Variants in SANBR observed in about 807,000 individuals in gnomAD.
The protein encoded by SANBR is SANT and BTB domain regulator of class switch recombination.
In SANBR, 77 loss-of-function variants were observed where a neutral mutation model predicts 101.8. That is an observed-to-expected ratio of 0.76 (90% confidence interval 0.63 to 0.91). The LOEUF (loss-of-function observed/expected upper bound fraction) is 0.91. Ranked by LOEUF, SANBR falls within the 40% of genes least tolerant of loss-of-function variation. The pLI is 0.00. For synonymous variants in SANBR, 279 were observed against 274.7 expected (o/e 1.02, Z -0.15); for missense variants, 875 against 853.0 (o/e 1.03, Z -0.32).
intron 20 of SANBR, chr2:61,133,995 G>A: frequency 1.6e-6 from 2 of 1,265,134 alleles, no homozygotes; most frequent in Non-Finnish European, 2.2e-6. Context: ...GCATCAAATT[G>A]CATTTGGGTA....
chr2:61,089,950 T>G (rs988435554), intron 10 of SANBR, among the ~76,000 whole-genome samples: 1 of 152,114 alleles, frequency 6.6e-6, no homozygotes, highest in Admixed American at 6.6e-5. Flanking sequence ...GAGGATTACT[T>G]GAGACCAGGA....
chr2:61,114,376 A>G (rs1325647687), intron 16 of SANBR, among the ~76,000 whole-genome samples: 3 of 152,190 alleles, frequency 2.0e-5, no homozygotes, highest in Non-Finnish European at 2.9e-5. Flanking sequence ...TCATGCACCC[A>G]CAGATTGTCA....
chr2:61,111,371 C>T (rs767625167), intron 16 of SANBR, among the ~76,000 whole-genome samples: 13 of 152,230 alleles, frequency 8.5e-5, no homozygotes, highest in Non-Finnish European at 1.2e-4. Flanking sequence ...CCAGCCTGTG[C>T]GACAGAGCGA....
intron 20 of SANBR, among the ~76,000 whole-genome samples, chr2:61,133,686 C>T (rs1034217472): frequency 3.3e-5 from 5 of 152,116 alleles, no homozygotes; most frequent in Non-Finnish European, 7.4e-5. Context: ...AAGACAATCA[C>T]AAAAAGTCAC....
chr2:61,080,030 C>A (rs1682017562), intron 6 of SANBR, among the ~76,000 whole-genome samples: 1 of 151,790 alleles, frequency 6.6e-6, no homozygotes, highest in Non-Finnish European at 1.5e-5. Flanking sequence ...AACCCCGTCT[C>A]TACTAAAAGT....
At chr2:61,129,444 CAA>C (rs34073185) in intron 20 of SANBR, among the ~76,000 whole-genome samples, 1 of 143,912 alleles carries the variant, frequency 6.9e-6, no homozygotes. Context: ...AACTCCATCT[CAA>C]AAAAAAAAAC....
rs957681309 is a variant in SANBR at position 61,120,027 on chromosome 2, T to C, written c.2029-1158T>C. ...AGCAACTGGAACTCTCATATATAGC[T>C]AGTAGAAATGCAAAAAGGAATGGTC... On this transcript the variant is annotated intron_variant, in intron 20 of 21. Coordinates refer to ENST00000402291, the MANE Select transcript of SANBR (RefSeq NM_001129993.3). 3.3e-5 allele frequency among the ~76,000 whole-genome samples: 5 copies of C among 152,164 alleles called. No individual in the cohort carries two copies. In the East Asian group the frequency reaches 5.8e-4, roughly 18 times the overall value.
In SANBR at chr2:61,137,899, A is replaced by G. The variant is rs147129219; in HGVS notation, c.*480A>G. 5.3e-4 allele frequency: 81 copies of G among 152,340 alleles called. 1 individual carries two copies. Among genetic ancestry groups the G allele is most frequent in the African/African-American group, 1.9e-3 (78 of 41,582 alleles). 9.4% of individuals were successfully genotyped at this position (152,340 alleles called of 1,614,324 possible). A position where few individuals can be genotyped will look rare whatever the true frequency, so the allele number is the denominator to read the frequency against. ...TTACTTTATATAGTGACCTCATACT[A>G]TACATATCCTCATGCAATTTTTTAG... On this transcript the variant is annotated 3_prime_UTR_variant, in exon 22 of 22. Coordinates refer to the SANBR transcript ENST00000295031.
At chr2:61,094,804 C>T (rs568600970) in intron 11 of SANBR, among the ~76,000 whole-genome samples, 87 of 152,126 alleles carry the variant, frequency 5.7e-4, no homozygotes, top group African/African-American at 2.0e-3. Flanking sequence ...CCACATCACC[C>T]GCCTAATTTT....
At chr2:61,119,129 A>G (rs556047507) in intron 20 of SANBR, among the ~76,000 whole-genome samples, 2 of 152,340 alleles carry the variant, frequency 1.3e-5, no homozygotes, top group Admixed American at 6.5e-5. Context: ...ATAAGATGTC[A>G]TCTTGCTGAA....
chr2:61,135,062 C>CAT (rs1684804393), intron 21 of SANBR, among the ~76,000 whole-genome samples: 1 of 151,846 alleles, frequency 6.6e-6, no homozygotes, highest in Non-Finnish European at 1.5e-5. Flanking sequence ...TGGTGGCACG[C>CAT]GCCTGTAATC....
chr2:61,090,235 G>A (rs10174645), intron 10 of SANBR, among the ~76,000 whole-genome samples: 3,095 of 152,246 alleles, frequency 0.02, 115 homozygotes, highest in African/African-American at 0.07. Flanking sequence ...TTACCTTTCA[G>A]TGATAGTATT....
intron 11 of SANBR, among the ~76,000 whole-genome samples, chr2:61,092,977 C>A (rs997564959): frequency 1.3e-5 from 2 of 151,880 alleles, no homozygotes; most frequent in African/African-American, 2.4e-5. Context: ...AGTAAAAATA[C>A]GAAAAATTAC....
intron 5 of SANBR, among the ~76,000 whole-genome samples, chr2:61,074,344 CCA>C (rs1681644985): frequency 6.6e-6 from 1 of 152,098 alleles, no homozygotes; most frequent in Non-Finnish European, 1.5e-5. Context: ...GTATATTTAA[CCA>C]CAGTTTTAAA....
chr2:61,136,090 A>C (rs918078927), intron 21 of SANBR, among the ~76,000 whole-genome samples: 20 of 152,164 alleles, frequency 1.3e-4, no homozygotes, highest in Admixed American at 1.3e-3. Flanking sequence ...GGATCACCTG[A>C]GGTCAGGAGT....
At chr2:61,098,188 C>T (rs975710764) in intron 12 of SANBR, among the ~76,000 whole-genome samples, 3 of 151,248 alleles carry the variant, frequency 2.0e-5, no homozygotes, top group Non-Finnish European at 4.4e-5. Flanking sequence ...ACTCCAGCCT[C>T]TGCCTCCCAG....
Position 61,065,897 on chromosome 2 carries a change from C to CGGGGGCGGGGTGTGAGGCGCT in SANBR, c.-275_-255dup, listed in dbSNP as rs1681118137. 2 of 152,118 alleles carry CGGGGGCGGGGTGTGAGGCGCT rather than the reference C, an allele frequency of 1.3e-5. No homozygotes were observed. The highest frequency in any genetic ancestry group is 1.9e-4 in the East Asian group (1 of 5,198). 9.4% of individuals were successfully genotyped at this position (152,118 alleles called of 1,614,324 possible). ...GTCTCCGCAGCCGCCTGCAAGCGGG[C>CGGGGGCGGGGTGTGAGGCGCT]GGGGGCGGGGTGTGAGGCGCTGCGG... On this transcript the variant is annotated 5_prime_UTR_variant, in exon 1 of 22. Coordinates refer to ENST00000402291, the MANE Select transcript of SANBR (RefSeq NM_001129993.3).
intron 20 of SANBR, among the ~76,000 whole-genome samples, chr2:61,129,646 G>A (rs762990773): frequency 1.2e-4 from 19 of 152,062 alleles, no homozygotes; most frequent in Non-Finnish European, 2.4e-4. Flanking sequence ...AACAAAGGAG[G>A]TGGATGGGAG....
At chr2:61,106,776 G>A (rs1294581102) in intron 14 of SANBR, 114 bp downstream of exon 14, 1 of 627,206 alleles carries the variant, frequency 1.6e-6, no homozygotes, top group Non-Finnish European at 2.7e-6. Context: ...CTAATCATAA[G>A]AAGGTATTAT....
Sources: allele counts gnomAD v4.1 joint callset (sites outside exome capture counted in the v4.1 genomes callset), GRCh38; gene constraint gnomAD v4.1.1; transcripts MANE v1.5; gene names NCBI Gene and HGNC (gene_info 2026-07-23, HGNC 2026-07-21).